The following CCDC141 variants were observed in gnomAD, a reference collection of about 807,000 sequenced individuals.
CCDC141 encodes coiled-coil domain-containing protein 141.
A neutral mutation model predicts 181.0 loss-of-function variants in CCDC141; 168 were observed. The observed-to-expected ratio is 0.93, with a 90% confidence interval of 0.82 to 1.05. The LOEUF (loss-of-function observed/expected upper bound fraction) is 1.05. Ranked by LOEUF, CCDC141 falls within the 50% of genes least tolerant of loss-of-function variation. CCDC141 has a pLI of 0.00. For synonymous variants in CCDC141, 666 were observed against 642.3 expected, an observed-to-expected ratio of 1.04 and a Z score of -0.56; for missense variants, 1,902 against 1,788.5, an observed-to-expected ratio of 1.06 and a Z score of -1.14.
chr2:178,981,620 T>G (rs1691397036), intron 2 of CCDC141, among the ~76,000 whole-genome samples: 2 of 78,038 alleles, frequency 2.6e-5, no homozygotes, highest in South Asian at 5.2e-4. Flanking sequence ...ATTTGTAGCA[T>G]TGAATGTGTG....
At chr2:178,867,771 A>C (rs1685915999) in intron 16 of CCDC141, among the ~76,000 whole-genome samples, 1 of 152,196 alleles carries the variant, frequency 6.6e-6, no homozygotes, top group African/African-American at 2.4e-5. Flanking sequence ...GACTATACAG[A>C]TCTACTATAT....
At chr2:178,937,962 T>C (rs1003296384) in intron 6 of CCDC141, among the ~76,000 whole-genome samples, 1 of 152,132 alleles carries the variant, frequency 6.6e-6, no homozygotes. Flanking sequence ...TTCTCCTTTA[T>C]TACTCTAGCT....
At chr2:178,939,764 G>T (rs780908856) in intron 6 of CCDC141, among the ~76,000 whole-genome samples, 1 of 152,032 alleles carries the variant, frequency 6.6e-6, no homozygotes, top group Non-Finnish European at 1.5e-5. Context: ...GTGGTGGAGG[G>T]GGGGTGTTGG....
chr2:178,903,389 A>C (rs12616202), intron 8 of CCDC141, among the ~76,000 whole-genome samples: 7,159 of 151,998 alleles, frequency 0.047, 451 homozygotes, highest in South Asian at 0.21. Context: ...TGGATTAAGA[A>C]AATGTGGCAC....
chr2:178,834,978 A>G (rs905098315), intron 23 of CCDC141, among the ~76,000 whole-genome samples: 1 of 152,110 alleles, frequency 6.6e-6, no homozygotes, highest in Admixed American at 6.6e-5. Flanking sequence ...AATATTGCAT[A>G]TGAAAATTCA....
chr2:178,924,102 A>C (rs1324314242), intron 6 of CCDC141, among the ~76,000 whole-genome samples: 1 of 152,254 alleles, frequency 6.6e-6, no homozygotes, highest in African/African-American at 2.4e-5. Flanking sequence ...AGGGGATTTT[A>C]ACCATTCAAC....
intron 15 of CCDC141, among the ~76,000 whole-genome samples, chr2:178,868,590 T>C (rs1223197772): frequency 7.3e-6 from 1 of 136,360 alleles, no homozygotes; most frequent in Non-Finnish European, 1.5e-5. Flanking sequence ...CACTCCATGA[T>C]GTCAGGTACT....
Position 178,855,547 on chromosome 2 carries a change from T to A in CCDC141, c.2866-6A>T. On this transcript the variant is annotated splice_polypyrimidine_tract_variant and splice_region_variant and intron_variant, in intron 18 of 23. Transcript: ENST00000443758. ...TCCATTTTCCTTTTCAAAGCCTGTG[T>A]GAAAAACAAAAAGTTTTTTAAACAA... 1 of 1,554,856 alleles carries A rather than the reference T, an allele frequency of 6.4e-7. No homozygotes were observed. The highest frequency in any genetic ancestry group is 8.7e-7 in the Non-Finnish European group (1 of 1,155,678).
At chr2:178,834,474 T>A in intron 23 of CCDC141, 34 bp from the exon 24 acceptor site, 1 of 1,531,814 alleles carries the variant, frequency 6.5e-7, no homozygotes, top group Non-Finnish European at 8.7e-7. Flanking sequence ...AAGTCAGGAT[T>A]GCTGTTTATT....
At chr2:178,960,397 A>G (rs911100980) in intron 5 of CCDC141, among the ~76,000 whole-genome samples, 2 of 152,130 alleles carry the variant, frequency 1.3e-5, no homozygotes, top group South Asian at 2.1e-4. Flanking sequence ...TGTCTCTTCA[A>G]TTTGGATGGA....
chr2:178,862,395 A>G (rs1194329788), intron 17 of CCDC141, among the ~76,000 whole-genome samples: 2 of 152,216 alleles, frequency 1.3e-5, no homozygotes, highest in Non-Finnish European at 2.9e-5. Flanking sequence ...TTCCATTAAC[A>G]TCATGTAAAT....
the CCDC141 span, among the ~76,000 whole-genome samples, chr2:178,822,847 G>A: frequency 2.2e-4 from 33 of 152,222 alleles, no homozygotes; most frequent in East Asian, 5.8e-3. Flanking sequence ...TCAGTAACAT[G>A]TACAGCCAGT....
At chr2:178,914,090 A>G (rs1688338304) in intron 7 of CCDC141, among the ~76,000 whole-genome samples, 1 of 152,228 alleles carries the variant, frequency 6.6e-6, no homozygotes, top group South Asian at 2.1e-4. Context: ...TGAACACACT[A>G]GAAGTATAAT....
At chr2:179,048,247 G>T (rs1575390874) in intron 1 of CCDC141, among the ~76,000 whole-genome samples, 2 of 152,312 alleles carry the variant, frequency 1.3e-5, no homozygotes, top group South Asian at 2.1e-4. Flanking sequence ...AGTCCCCTGA[G>T]ACAGTTTGGA....
intron 5 of CCDC141, among the ~76,000 whole-genome samples, chr2:178,956,308 T>G (rs1690158752): frequency 6.6e-6 from 1 of 152,190 alleles, no homozygotes; most frequent in African/African-American, 2.4e-5. Flanking sequence ...TTTATTTTAT[T>G]TTTTGAGACA....
intron 20 of CCDC141, among the ~76,000 whole-genome samples, chr2:178,852,451 A>T (rs1365210764): frequency 6.6e-6 from 1 of 152,232 alleles, no homozygotes. Context: ...TAGTGCACTC[A>T]CACGGTAACT....
intron 2 of CCDC141, among the ~76,000 whole-genome samples, chr2:179,015,594 G>A (rs375056168): frequency 0.44 from 15,678 of 35,460 alleles, 3,450 homozygotes; most frequent in Non-Finnish European, 0.53. Context: ...TATCTCATAT[G>A]TATCTCATAT....
Position 178,837,034 on chromosome 2 carries a change from T to A in CCDC141, c.4185A>T (p.Thr1395=). Residue 1395 remains threonine, a synonymous_variant, in exon 23 of 24, where the codon ACA becomes ACT. Coordinates refer to ENST00000443758, the MANE Select transcript of CCDC141 (RefSeq NM_173648.4). The part of the protein sequence containing the change: ...QMVPREEIKS[T]SAKSSVVSLA... ...GGCTGACCACGCTGCTCTTTGCTGA[T>A]GTGCTTTTAATCTCTTCTCGAGGAA... 1.9e-6 allele frequency: 3 copies of A among 1,614,064 alleles called. No homozygotes were observed. Among genetic ancestry groups the A allele is most frequent in the Non-Finnish European group, 2.5e-6 (3 of 1,179,958 alleles).
intron 2 of CCDC141, among the ~76,000 whole-genome samples, chr2:178,996,280 G>A (rs1035901929): frequency 2.0e-5 from 3 of 152,070 alleles, no homozygotes; most frequent in Non-Finnish European, 2.9e-5. Context: ...GTTTTGGCAT[G>A]TTGGCCAGGC....
Sources: gnomAD v4.1 joint callset for allele counts (sites outside exome capture counted in the v4.1 genomes callset) on GRCh38, gnomAD v4.1.1 for gene constraint, MANE v1.5 for transcripts, NCBI Gene and HGNC (gene_info 2026-07-23, HGNC 2026-07-21) for gene names.